Variants in MSN observed in about 807,000 individuals in gnomAD.
MSN encodes moesin, also known as epididymis luminal protein 70.
MSN carries 2 observed loss-of-function variants against 48.0 expected under a neutral mutation model. The ratio of observed to expected loss-of-function variants is 0.04; its 90% confidence interval spans 0.02 to 0.13. The LOEUF (loss-of-function observed/expected upper bound fraction) is 0.13. Ranked by LOEUF, MSN falls within the 10% of genes least tolerant of loss-of-function variation. The pLI, the probability that MSN is intolerant of heterozygous loss-of-function variation, is 1.00. For synonymous variants in MSN, 146 were observed against 166.9 expected (o/e 0.87, Z 0.97); for missense variants, 267 against 470.1 (o/e 0.57, Z 3.99).
At chrX:65,665,085 A>G (rs1408524119), upstream of MSN, among the ~76,000 whole-genome samples, 1 of 110,495 alleles carries the variant, frequency 9.1e-6, no homozygotes, top group Non-Finnish European at 1.9e-5. Context: ...CAGCTACTTG[A>G]CACTCTCTAC....
intron 1 of MSN, chrX:65,600,820 CAG>C (rs1373758656): frequency 8.9e-6 from 1 of 111,811 alleles, no homozygotes; most frequent in East Asian, 2.8e-4. Flanking sequence ...TGCCCAGAGA[CAG>C]AGATATGGAG....
At chrX:65,737,396 A>G (rs1299303470) in intron 10 of MSN, 58 bp downstream of exon 10, 9 of 1,136,309 alleles carry the variant, frequency 7.9e-6, no homozygotes, top group East Asian at 6.1e-5. Flanking sequence ...TTGTCTGCCT[A>G]CTTACTTATA....
intron 1 of MSN, among the ~76,000 whole-genome samples, chrX:65,706,891 C>T (rs1308109633): frequency 1.8e-5 from 2 of 111,803 alleles, no homozygotes; most frequent in African/African-American, 6.5e-5. Flanking sequence ...CCCCTCAGCT[C>T]GGAGGTCCAT....
At chrX:65,676,643 A>G (rs1367676520) in intron 1 of MSN, among the ~76,000 whole-genome samples, 1 of 111,366 alleles carries the variant, frequency 9.0e-6, no homozygotes, top group African/African-American at 3.3e-5. Context: ...AGGAGGGGGA[A>G]CAAGGCATAC....
At chrX:65,694,392 C>T (rs984037476) in intron 1 of MSN, among the ~76,000 whole-genome samples, 12 of 108,724 alleles carry the variant, frequency 1.1e-4, no homozygotes, top group Non-Finnish European at 1.5e-4. Flanking sequence ...TGCAGTGGCA[C>T]GATCTCCGCT....
intron 1 of MSN, among the ~76,000 whole-genome samples, chrX:65,670,679 C>T (rs762986590): frequency 1.6e-4 from 17 of 106,334 alleles, no homozygotes; most frequent in African/African-American, 4.8e-4. Flanking sequence ...GCCGAGATCA[C>T]GCCACTGCAC....
At chrX:65,737,856 A>G (rs2071693778) in intron 10 of MSN, among the ~76,000 whole-genome samples, 2 of 112,119 alleles carry the variant, frequency 1.8e-5, no homozygotes, top group South Asian at 7.4e-4. Flanking sequence ...CTGAAATCAC[A>G]TGCAAAACTA....
intron 1 of MSN, among the ~76,000 whole-genome samples, chrX:65,596,939 T>A (rs1252321746): frequency 8.9e-6 from 1 of 112,260 alleles, no homozygotes; most frequent in Non-Finnish European, 1.9e-5. Context: ...TGCCTTTAAG[T>A]GTTCACAATC....
chrX:65,731,285 T>C (rs1400880207), intron 5 of MSN, 95 bp downstream of exon 5: 1 of 734,548 alleles, frequency 1.4e-6, no homozygotes, highest in African/African-American at 2.1e-5. Flanking sequence ...GGGACATTGG[T>C]GGATGTTGGA....
At chrX:65,633,093 G>C (rs2070571117) in intron 1 of MSN, among the ~76,000 whole-genome samples, 1 of 111,594 alleles carries the variant, frequency 9.0e-6, no homozygotes, top group African/African-American at 3.3e-5. Context: ...AGGTTAGGGA[G>C]GTAGTAGTGG....
At chrX:65,728,494 C>T (rs1045702460) in intron 3 of MSN, among the ~76,000 whole-genome samples, 5 of 110,220 alleles carry the variant, frequency 4.5e-5, no homozygotes, top group Non-Finnish European at 9.5e-5. Context: ...GGGGTTTCAC[C>T]GTTTTAGCCA....
At chrX:65,674,512 G>A (rs1244982408) in intron 1 of MSN, among the ~76,000 whole-genome samples, 1 of 111,446 alleles carries the variant, frequency 9.0e-6, no homozygotes, top group African/African-American at 3.3e-5. Context: ...GATCTCCGAT[G>A]ACTGTCTTCT....
chrX:65,619,912 G>T (rs1402770127), intron 1 of MSN, among the ~76,000 whole-genome samples: 2 of 110,278 alleles, frequency 1.8e-5, no homozygotes, highest in Non-Finnish European at 3.8e-5. Context: ...CTGTTTGTTA[G>T]TTTTCCTTTT....
intron 1 of MSN, among the ~76,000 whole-genome samples, chrX:65,634,255 G>A (rs991589501): frequency 8.9e-6 from 1 of 112,173 alleles, no homozygotes; most frequent in Non-Finnish European, 1.9e-5. Flanking sequence ...AGGCTTTAGA[G>A]GCCCTAGAAG....
At chrX:65,616,257 C>T (rs2070370652) in intron 1 of MSN, among the ~76,000 whole-genome samples, 1 of 105,920 alleles carries the variant, frequency 9.4e-6, no homozygotes, top group Non-Finnish European at 1.9e-5. Context: ...TCATTGGTAG[C>T]TTGATGGGGA....
chrX:65,683,534 T>C (rs2071079775), intron 1 of MSN, among the ~76,000 whole-genome samples: 1 of 109,278 alleles, frequency 9.2e-6, no homozygotes, highest in African/African-American at 3.3e-5. Flanking sequence ...TAGGAGATAT[T>C]TTCCTCCCAT....
chrX:65,595,542 T>C (rs747581927), intron 1 of MSN, among the ~76,000 whole-genome samples: 1 of 112,106 alleles, frequency 8.9e-6, no homozygotes, highest in African/African-American at 3.2e-5. Flanking sequence ...AGTGATCTCT[T>C]GCGCCCCCCT....
At chrX:65,700,732 T>A (rs1432997332) in intron 1 of MSN, among the ~76,000 whole-genome samples, 1 of 111,892 alleles carries the variant, frequency 8.9e-6, no homozygotes, top group Non-Finnish European at 1.9e-5. Context: ...ATAAAATGGG[T>A]TTAATAATGC....
chrX:65,714,720 T>A (rs184209064), intron 1 of MSN, among the ~76,000 whole-genome samples: 333 of 111,930 alleles, frequency 3.0e-3, no homozygotes, highest in African/African-American at 9.8e-3. Flanking sequence ...TAGACCTTTG[T>A]AAGTTGCATA....
Sources: gnomAD v4.1 joint callset for allele counts (sites outside exome capture counted in the v4.1 genomes callset) on GRCh38, gnomAD v4.1.1 for gene constraint, MANE v1.5 for transcripts, NCBI Gene and HGNC (gene_info 2026-07-23, HGNC 2026-07-21) for gene names.